The following PHC3 variants were observed in gnomAD, a reference collection of about 807,000 sequenced individuals.
PHC3 encodes the protein polyhomeotic homolog 3.
In PHC3, 13 loss-of-function variants were observed where a neutral mutation model predicts 107.4. The observed-to-expected ratio is 0.12, with a 90% CI of 0.08 to 0.19. The LOEUF (loss-of-function observed/expected upper bound fraction) is 0.19. Ranked by LOEUF, PHC3 falls within the 10% of genes least tolerant of loss-of-function variation. The pLI is 1.00. For synonymous variants in PHC3, 456 were observed against 427.4 expected, an observed-to-expected ratio of 1.07 and a Z score of -0.83; for missense variants, 992 against 1,210.9, an observed-to-expected ratio of 0.82 and a Z score of 2.68.
chr3:170,175,622 A>T (rs1047357200), intron 2 of PHC3, among the ~76,000 whole-genome samples: 2 of 149,238 alleles, frequency 1.3e-5, no homozygotes, highest in Non-Finnish European at 3.0e-5. Flanking sequence ...GAGGGAGAGA[A>T]GAAAAAAAAA....
intron 4 of PHC3, among the ~76,000 whole-genome samples, chr3:170,156,229 G>A (rs925296386): frequency 4.6e-5 from 7 of 152,176 alleles, no homozygotes; most frequent in African/African-American, 1.4e-4. Flanking sequence ...GGGATTACAG[G>A]CATGAGCCAC....
chr3:170,171,448 T>C lies in PHC3; in HGVS notation c.339A>G (p.Ala113=). ...TAGATGGTCTTCCACTGGACAAACTTGCCTAAAATAGTAAGACTTTTAGAA... is the reference window on the plus strand; with the variant it reads ...TAGATGGTCTTCCACTGGACAAACTCGCCTAAAATAGTAAGACTTTTAGAA... The part of the protein sequence containing the change: ...SQLQSLAAVQ[A]SLSSGRPSTS... The change falls in exon 4 of 15, where the codon GCA becomes GCG. Residue 113 remains alanine, a splice_region_variant and synonymous_variant. Transcript: ENST00000495893. 1.3e-6 allele frequency: 2 copies of C among 1,588,066 alleles called. No individual in the cohort carries two copies. The highest frequency in any genetic ancestry group is 1.4e-5 in the African/African-American group (1 of 73,982).
chr3:170,151,461 G>C (rs1201843854), intron 4 of PHC3, among the ~76,000 whole-genome samples: 1 of 152,096 alleles, frequency 6.6e-6, no homozygotes, highest in Non-Finnish European at 1.5e-5. Context: ...AAAAGGGAGA[G>C]AAAAGCTGGG....
intron 8 of PHC3, among the ~76,000 whole-genome samples, chr3:170,127,227 C>T (rs767719969): frequency 2.0e-5 from 3 of 152,136 alleles, no homozygotes; most frequent in African/African-American, 7.2e-5. Context: ...TTGCCCAGGC[C>T]GCAATCTCGG....
rs1002240821 is a variant in PHC3 at position 170,110,083 on chromosome 3, T to TAACATCAGTCCTTTCCTTTGAG, written c.2354-3159_2354-3138dup. ...CTGATATCATATCCTGCTGATATGATAACATCAGTCCTTTCCTTTGAGAAC... is the reference window on the plus strand; with the variant it reads ...CTGATATCATATCCTGCTGATATGATAACATCAGTCCTTTCCTTTGAGAACATCAGTCCTTTCCTTTGAGAAC... On this transcript the variant is annotated intron_variant, in intron 11 of 14. Coordinates refer to ENST00000495893, the MANE Select transcript of PHC3 (RefSeq NM_024947.4). 2.6e-5 allele frequency among the ~76,000 whole-genome samples: 4 copies of TAACATCAGTCCTTTCCTTTGAG among 152,218 alleles called. No individual in the cohort carries two copies. In the South Asian group the frequency reaches 6.2e-4, roughly 24 times the overall value.
intron 4 of PHC3, among the ~76,000 whole-genome samples, chr3:170,149,560 T>G (rs996056276): frequency 7.2e-5 from 11 of 152,094 alleles, no homozygotes; most frequent in African/African-American, 2.4e-4. Context: ...GTTCAAGTGA[T>G]TCTCCTGCCT....
intron 4 of PHC3, among the ~76,000 whole-genome samples, chr3:170,152,091 ATAGT>A (rs1726087220): frequency 6.6e-6 from 1 of 152,044 alleles, no homozygotes; most frequent in Admixed American, 6.6e-5. Flanking sequence ...TTTTAATATA[ATAGT>A]TAAATGTATA....
intron 4 of PHC3, chr3:170,170,168 A>C (rs1281367331): frequency 1.3e-5 from 2 of 152,122 alleles, no homozygotes; most frequent in African/African-American, 4.8e-5. Context: ...ATAGAGCACA[A>C]TTCCTTAACC....
At chr3:170,124,660 C>T (rs1720971908) in intron 8 of PHC3, among the ~76,000 whole-genome samples, 2 of 152,310 alleles carry the variant, frequency 1.3e-5, no homozygotes, top group Admixed American at 6.5e-5. Context: ...CCACTGCACA[C>T]CTAGCCCCAC....
At chr3:170,119,610 G>C (rs982310735) in intron 9 of PHC3, among the ~76,000 whole-genome samples, 1 of 152,128 alleles carries the variant, frequency 6.6e-6, no homozygotes, top group South Asian at 2.1e-4. Context: ...AGATTTAAGA[G>C]AAGTATGAGA....
chr3:170,121,303 A>C (rs1172045982), intron 9 of PHC3, among the ~76,000 whole-genome samples: 1 of 152,078 alleles, frequency 6.6e-6, no homozygotes, highest in African/African-American at 2.4e-5. Flanking sequence ...GTGAGACCCT[A>C]TCTCTTAAAA....
chr3:170,151,610 G>A (rs1178832954), intron 4 of PHC3, among the ~76,000 whole-genome samples: 2 of 152,154 alleles, frequency 1.3e-5, no homozygotes, highest in Non-Finnish European at 2.9e-5. Context: ...TCAGGGGAGG[G>A]CTACAAGTCA....
intron 4 of PHC3, among the ~76,000 whole-genome samples, chr3:170,165,273 C>T (rs886174295): frequency 6.6e-6 from 1 of 152,146 alleles, no homozygotes; most frequent in Non-Finnish European, 1.5e-5. Context: ...TAAGGCAGCA[C>T]ACTCTCCCTT....
rs1259833309 is a variant in PHC3, at chr3:170,149,201, C to T, written c.458G>A (p.Arg153His). 6 of 1,612,824 alleles carry T rather than the reference C, an allele frequency of 3.7e-6. No individual in the cohort carries two copies. Among genetic ancestry groups the T allele is most frequent in the Admixed American group, 1.7e-5 (1 of 59,954 alleles). ...GCTGGTAGAACTGGAAGCCTGGGAA[C>T]GGCTTATTAACTGTGCAGGTGTAGG... ...TSPTPAQLIS[R>H]SQASSSTSGS... Residue 153 changes from arginine to histidine, a missense_variant, in exon 5 of 15, where the codon CGT becomes CAT. Arg to His is a conservative substitution (Grantham distance 29). This residue lies in a region of PHC3 where 35 missense variants were observed against 73.6 expected (regional missense o/e 0.48). Transcript: ENST00000495893.
chr3:170,123,505 T>C (rs543623523), intron 8 of PHC3, among the ~76,000 whole-genome samples: 3 of 152,014 alleles, frequency 2.0e-5, no homozygotes, highest in Admixed American at 6.6e-5. Flanking sequence ...AGAAGGAAAA[T>C]GGGGCCAGGT....
rs1359347970 is a variant in PHC3 at position 170,088,512 on chromosome 3, C to T, written c.*8718G>A. 1 of 152,048 alleles carries T rather than the reference C, an allele frequency of 6.6e-6. No individual in the cohort carries two copies. The highest frequency in any genetic ancestry group is 1.5e-5 in the Non-Finnish European group (1 of 67,990). 9.4% of individuals were successfully genotyped at this position (152,048 alleles called of 1,614,324 possible). A position where few individuals can be genotyped will look rare whatever the true frequency, so the allele number is the denominator to read the frequency against. On this transcript the variant is annotated 3_prime_UTR_variant, in exon 15 of 15. Transcript: ENST00000495893. Reference sequence around the variant, plus strand: ...TTTTGGAACTTATTTTGACTTTTTTCCCTATAGGAAAAACAAAGACCAAGC... The same window carrying T: ...TTTTGGAACTTATTTTGACTTTTTTTCCTATAGGAAAAACAAAGACCAAGC...
rs764482116 is a variant in PHC3, at chr3:170,128,795, T to A, written c.1677A>T (p.Glu559Asp). 1.2e-5 allele frequency: 19 copies of A among 1,613,876 alleles called. No individual in the cohort carries two copies. Among genetic ancestry groups the A allele is most frequent in the Non-Finnish European group, 1.4e-5 (17 of 1,179,890 alleles). Residue 559 changes from glutamate (E) to aspartate (D), a missense_variant, in exon 8 of 15, where the codon GAA (glutamate) becomes GAT (aspartate). Glu to Asp is a conservative substitution (Grantham distance 45). Around this residue, in one of 6 missense-constraint regions of PHC3, gnomAD observed 543 missense variants for 590.8 expected, o/e 0.92. Coordinates refer to ENST00000495893, the MANE Select transcript of PHC3 (RefSeq NM_024947.4). ...LVQNALVSEEELPAAEALVQL... is the reference protein window; with the variant it reads ...LVQNALVSEEDLPAAEALVQL... ...GGACCAAAGCTTCTGCAGCTGGAAG[T>A]TCCTCTTCTGACACCAAAGCATTCT...
At chr3:170,122,172 C>T (rs1720476335) in intron 9 of PHC3, among the ~76,000 whole-genome samples, 1 of 152,090 alleles carries the variant, frequency 6.6e-6, no homozygotes, top group Non-Finnish European at 1.5e-5. Context: ...TCTCTTGAGC[C>T]CAGGAGATAG....
In PHC3 at chr3:170,172,598, G is replaced by A. The variant is rs1334949846; in HGVS notation, c.295C>T (p.His99Tyr). The change falls in exon 3 of 15, where the codon CAT becomes TAT. Residue 99 changes from histidine to tyrosine, a missense_variant. Transcript: ENST00000495893. ...MLHTAALQQQ[H>Y]LSSSQLQSLA... The stretch of plus-strand genomic sequence containing the variant: ...CTCTGAAGCTGGGAGCTGCTTAAAT[G>A]CTGCTGCTGAAGAGCTGCAGTATGC... 1 of 1,613,684 alleles carries A rather than the reference G, an allele frequency of 6.2e-7. No homozygotes were observed. Among genetic ancestry groups the A allele is most frequent in the Non-Finnish European group, 8.5e-7 (1 of 1,179,842 alleles).
Sources: gnomAD v4.1 joint callset for allele counts (sites outside exome capture counted in the v4.1 genomes callset) on GRCh38, gnomAD v4.1.1 for gene constraint, gnomAD v4.1.1 regional missense constraint, MANE v1.5 for transcripts, NCBI Gene and HGNC (gene_info 2026-07-23, HGNC 2026-07-21) for gene names.